The following GUCY1A2 variants were observed in gnomAD, a reference collection of about 807,000 sequenced individuals.
GUCY1A2 encodes the protein guanylate cyclase 1 soluble subunit alpha 2.
Under a neutral mutation model 63.5 loss-of-function variants are expected in GUCY1A2, and 27 were observed. The ratio of observed to expected loss-of-function variants is 0.43; its 90% CI spans 0.31 to 0.59. The LOEUF is 0.59. GUCY1A2 is among the 20% of genes least tolerant of loss of function. The probability of loss-of-function intolerance (pLI) is 0.11; values close to 1 mark genes in which losing one functional copy is unlikely to be tolerated. For missense variants in GUCY1A2, 768 were observed against 913.3 expected (o/e 0.84, Z 2.05); for synonymous variants, 364 against 343.5 (o/e 1.06, Z -0.66).
At chr11:106,895,928 C>T (rs575583661) in intron 4 of GUCY1A2, among the ~76,000 whole-genome samples, 5 of 151,528 alleles carry the variant, frequency 3.3e-5, no homozygotes, top group East Asian at 1.9e-4. Flanking sequence ...GCAGGAGAAT[C>T]GCTTGAACCT....
chr11:106,848,101 C>A (rs1326337479), intron 4 of GUCY1A2, among the ~76,000 whole-genome samples: 1 of 151,602 alleles, frequency 6.6e-6, no homozygotes, highest in African/African-American at 2.4e-5. Context: ...GAAGACATCA[C>A]AGAGCTCTAC....
At chr11:106,943,515 T>A (rs1860778718) in intron 3 of GUCY1A2, among the ~76,000 whole-genome samples, 1 of 152,178 alleles carries the variant, frequency 6.6e-6, no homozygotes, top group African/African-American at 2.4e-5. Context: ...ATACGATCTG[T>A]TCCTTCATGA....
chr11:106,962,773 T>A (rs1352010662), intron 3 of GUCY1A2, among the ~76,000 whole-genome samples: 1 of 148,290 alleles, frequency 6.7e-6, no homozygotes, highest in Non-Finnish European at 1.5e-5. Context: ...GAATTATATA[T>A]ATTTATATAT....
intron 5 of GUCY1A2, among the ~76,000 whole-genome samples, chr11:106,803,783 G>GT (rs1458532664): frequency 1.1e-4 from 16 of 152,180 alleles, no homozygotes; most frequent in African/African-American, 3.9e-4. Flanking sequence ...AATCCAACTA[G>GT]TGCACTCAAG....
At chr11:106,920,337 A>G (rs1006659916) in intron 4 of GUCY1A2, among the ~76,000 whole-genome samples, 1 of 152,122 alleles carries the variant, frequency 6.6e-6, no homozygotes, top group African/African-American at 2.4e-5. Context: ...TTATTACGTT[A>G]TTTATGCTTC....
chr11:106,896,002 C>G (rs1341665671), intron 4 of GUCY1A2, among the ~76,000 whole-genome samples: 1 of 141,582 alleles, frequency 7.1e-6, no homozygotes, highest in Non-Finnish European at 1.5e-5. Context: ...GAGCAAGACT[C>G]TGTCTCAAAA....
chr11:106,855,128 C>T (rs1859410989), intron 4 of GUCY1A2, among the ~76,000 whole-genome samples: 1 of 152,044 alleles, frequency 6.6e-6, no homozygotes, highest in East Asian at 1.9e-4. Flanking sequence ...CTGCTTTGGT[C>T]TCGGGGAGTG....
intron 7 of GUCY1A2, among the ~76,000 whole-genome samples, chr11:106,695,378 A>C (rs1305538724): frequency 2.0e-5 from 3 of 152,226 alleles, no homozygotes; most frequent in Non-Finnish European, 4.4e-5. Context: ...CTGTTGTTAC[A>C]AATTATTCAT....
chr11:106,934,254 C>A (rs567136708), intron 4 of GUCY1A2, among the ~76,000 whole-genome samples: 1 of 152,278 alleles, frequency 6.6e-6, no homozygotes, highest in African/African-American at 2.4e-5. Flanking sequence ...TGAACGAAAT[C>A]ATGTCTCAGC....
At chr11:106,751,427 T>G (rs1016187472) in intron 6 of GUCY1A2, among the ~76,000 whole-genome samples, 1 of 151,872 alleles carries the variant, frequency 6.6e-6, no homozygotes, top group Non-Finnish European at 1.5e-5. Flanking sequence ...GTGGTTACTA[T>G]CATGCATCAA....
At position 106,883,803 on chromosome 11, in the gene GUCY1A2, G is replaced by A. The variant is rs562518708; in HGVS notation, c.1206+55657C>T. On this transcript the variant is annotated intron_variant, in intron 4 of 7. Transcript: ENST00000526355. ...GTACGTCACCAGCCCAAAACATCATGATTTGAGTCAGGTGTTGAAAGTGTG... is the reference window on the plus strand; with the variant it reads ...GTACGTCACCAGCCCAAAACATCATAATTTGAGTCAGGTGTTGAAAGTGTG... Among the ~76,000 whole-genome samples, 79 of 152,226 alleles carry A rather than the reference G, an allele frequency of 5.2e-4. 1 individual carries two copies. The highest frequency in any genetic ancestry group is 1.6e-3 in the African/African-American group (68 of 41,542).
In GUCY1A2 at chr11:107,018,277, T is replaced by TCGG. The variant is rs1311413054; in HGVS notation, c.-225_-223dup. On this transcript the variant is annotated 5_prime_UTR_variant, in exon 1 of 8. Transcript: ENST00000526355. Reference sequence around the variant, plus strand: ...CGCCGCCGCACCTTGGGGCCCGGGCTCGGCGGCGGCGCCGGGCTGGGCTGG... The same window carrying TCGG: ...CGCCGCCGCACCTTGGGGCCCGGGCTCGGCGGCGGCGGCGCCGGGCTGGGCTGG... The TCGG allele has an allele frequency of 2.1e-5, 3 of 142,114 alleles. No homozygotes were observed. The highest frequency in any genetic ancestry group is 6.9e-5 in the Admixed American group (1 of 14,466). The allele number at this position is 142,114 out of a possible 1,614,324, so 8.8% of individuals were successfully genotyped here.
At chr11:107,004,373 T>C (rs1346954040) in intron 1 of GUCY1A2, among the ~76,000 whole-genome samples, 3 of 152,204 alleles carry the variant, frequency 2.0e-5, no homozygotes, top group African/African-American at 7.2e-5. Flanking sequence ...ATACATATTA[T>C]AAAAGCATTT....
At chr11:106,844,554 C>T (rs899220893) in intron 4 of GUCY1A2, among the ~76,000 whole-genome samples, 1 of 151,664 alleles carries the variant, frequency 6.6e-6, no homozygotes, top group South Asian at 2.1e-4. Context: ...ACTCACTGCT[C>T]TTAATTACTA....
intron 4 of GUCY1A2, among the ~76,000 whole-genome samples, chr11:106,862,613 G>T (rs1213415278): frequency 6.6e-6 from 1 of 152,078 alleles, no homozygotes; most frequent in Non-Finnish European, 1.5e-5. Flanking sequence ...AGAGAAGAGT[G>T]ATAATTGCTG....
intron 4 of GUCY1A2, among the ~76,000 whole-genome samples, chr11:106,911,060 G>A (rs1860287175): frequency 6.6e-6 from 1 of 151,916 alleles, no homozygotes; most frequent in African/African-American, 2.4e-5. Flanking sequence ...TGTATTAAAG[G>A]AAGAAAGAGA....
In GUCY1A2 at chr11:106,682,404, A is replaced by G; in HGVS notation, c.*5145T>C. 1 of 210,756 alleles carries G rather than the reference A, an allele frequency of 4.7e-6. No individual in the cohort carries two copies. The highest frequency in any genetic ancestry group is 5.9e-5 in the Admixed American group (1 of 16,988). 13.1% of individuals were successfully genotyped at this position (210,756 alleles called of 1,614,324 possible). On this transcript the variant is annotated 3_prime_UTR_variant, in exon 8 of 8. Transcript: ENST00000526355. ...TTCTAAACACAGATTCCTAGGCCCT[A>G]CCTGAGACCTACTGAATCCAAATCT... is the stretch of plus-strand genomic sequence containing the variant.
chr11:106,874,279 T>C (rs1041989408), intron 4 of GUCY1A2, among the ~76,000 whole-genome samples: 9 of 152,282 alleles, frequency 5.9e-5, no homozygotes, highest in Middle Eastern at 3.4e-3. Context: ...CTGTGGCCTT[T>C]GTAGAATAGG....
At chr11:107,009,715 C>A (rs1490944016) in intron 1 of GUCY1A2, among the ~76,000 whole-genome samples, 1 of 152,194 alleles carries the variant, frequency 6.6e-6, no homozygotes, top group Non-Finnish European at 1.5e-5. Context: ...GTGGGGATAA[C>A]AGCACCAATT....
Sources: allele counts gnomAD v4.1 joint callset (sites outside exome capture counted in the v4.1 genomes callset), GRCh38; gene constraint gnomAD v4.1.1; transcripts MANE v1.5; gene names NCBI Gene and HGNC (gene_info 2026-07-23, HGNC 2026-07-21).